TKT: variants seen among roughly 807,000 people sequenced by gnomAD.
The protein encoded by TKT is epididymis luminal protein 107.
Under a neutral mutation model 63.9 loss-of-function variants are expected in TKT, and 47 were observed. The observed-to-expected ratio is 0.74, with a 90% CI of 0.58 to 0.94. TKT has a LOEUF of 0.94. Among genes scored for constraint, TKT ranks in the 40% least tolerant of loss-of-function variants. TKT has a pLI of 0.00. For synonymous variants in TKT, 338 were observed against 334.1 expected, an observed-to-expected ratio of 1.01 and a Z score of -0.13; for missense variants, 721 against 846.2, an observed-to-expected ratio of 0.85 and a Z score of 1.84.
intron 7 of TKT, 94 bp from the exon 8 acceptor site, chr3:53,230,715 G>A (rs1274973680): frequency 3.4e-6 from 5 of 1,477,512 alleles, no homozygotes; most frequent in Admixed American, 2.2e-5. Flanking sequence ...GATTAAAACG[G>A]GGCCAAAAAT....
In TKT at chr3:53,228,418, G is replaced by A. The variant is rs963400994; in HGVS notation, c.1396-59C>T. On this transcript the variant is annotated intron_variant, in intron 10 of 13. Transcript: ENST00000462138. ...ATGTGGCACACCCAACCTCAGAGAC[G>A]AGGTCTTTCTAGAGAGGCCATCCCT... 1.5e-5 allele frequency: 24 copies of A among 1,583,564 alleles called. No homozygotes were observed. The East Asian group carries it at 2.0e-4, about 13-fold the overall frequency.
In TKT at chr3:53,231,517, G is replaced by C. The variant is rs942850990; in HGVS notation, c.782C>G (p.Pro261Arg). ...VEDKESWHGKPLPKNMAEQII... is the reference protein window; with the variant it reads ...VEDKESWHGKRLPKNMAEQII... Reference sequence around the variant, plus strand: ...CTGCTCAGCCATGTTTTTGGGGAGGGGCTTCCCATGCCAAGACTCCTTATC... The same window carrying C: ...CTGCTCAGCCATGTTTTTGGGGAGGCGCTTCCCATGCCAAGACTCCTTATC... The change falls in exon 7 of 14, where the codon CCC becomes CGC. Residue 261 changes from proline to arginine, a missense_variant. Transcript: ENST00000462138. The C allele has an allele frequency of 1.5e-5, 24 of 1,614,004 alleles. No homozygotes were observed. The highest frequency in any genetic ancestry group is 1.8e-5 in the Non-Finnish European group (21 of 1,180,020).
chr3:53,245,630 C>G (rs1705472894), intron 1 of TKT, among the ~76,000 whole-genome samples: 1 of 151,858 alleles, frequency 6.6e-6, no homozygotes, highest in Non-Finnish European at 1.5e-5. Context: ...ACTAAAAATA[C>G]AAAAATTAGC....
At chr3:53,232,736 C>A in intron 6 of TKT, 1 of 400,108 alleles carries the variant, frequency 2.5e-6, no homozygotes, top group East Asian at 3.6e-5. Context: ...GTACCCCACT[C>A]ACCTCCTGGA....
intron 2 of TKT, 108 bp from the exon 3 acceptor site, chr3:53,241,353 G>A: frequency 1.1e-6 from 1 of 898,724 alleles, no homozygotes; most frequent in Non-Finnish European, 1.6e-6. Context: ...GCCAACTGCA[G>A]CATCCATTTC....
chr3:53,238,190 T>G (rs1705121268), intron 4 of TKT, among the ~76,000 whole-genome samples: 1 of 152,192 alleles, frequency 6.6e-6, no homozygotes, highest in African/African-American at 2.4e-5. Flanking sequence ...CTCCCTACAC[T>G]GACTTGTTCC....
rs1440271206 is a variant in TKT, at chr3:53,225,914, C to T, written c.1714G>A (p.Val572Met). 1.2e-6 allele frequency: 2 copies of T among 1,610,314 alleles called. No homozygotes were observed. Among genetic ancestry groups the T allele is most frequent in the African/African-American group, 2.7e-5 (2 of 74,806 alleles). Residue 572 changes from valine to methionine, a missense_variant, in exon 14 of 14, where the codon GTG becomes ATG. Transcript: ENST00000462138. ...HYYEGGIGEA[V>M]SSAVVGEPGI... ...GGCTCGCCCACTACTGCACTGGACA[C>T]AGCCTCACCAATGCCACCTAGAAAT...
At chr3:53,226,063 GC>G in intron 13 of TKT, 132 bp from the exon 14 acceptor site, 1 of 762,576 alleles carries the variant, frequency 1.3e-6, no homozygotes. Flanking sequence ...GTAGCCATGA[GC>G]CCATCACATA....
chr3:53,231,033 G>A (rs548950250), intron 7 of TKT, among the ~76,000 whole-genome samples: 1 of 152,208 alleles, frequency 6.6e-6, no homozygotes. Context: ...GTCAGGTGGG[G>A]GTCCTGAGCT....
At chr3:53,237,724 C>T (rs1705100371) in intron 4 of TKT, 1 of 152,186 alleles carries the variant, frequency 6.6e-6, no homozygotes. Flanking sequence ...AGATTGAGAC[C>T]ATCCTGGCTA....
chr3:53,227,036 C>T (rs1222187242), intron 12 of TKT, 158 bp from the exon 13 acceptor site: 1 of 878,820 alleles, frequency 1.1e-6, no homozygotes, highest in Non-Finnish European at 1.7e-6. Context: ...CACCTCGTTC[C>T]CATGGCTGAG....
chr3:53,239,317 T>C (rs141282273), intron 4 of TKT, among the ~76,000 whole-genome samples: 8 of 152,326 alleles, frequency 5.3e-5, no homozygotes, highest in African/African-American at 1.9e-4. Flanking sequence ...AGAATAATTT[T>C]TTTTTTAAAG....
chr3:53,237,505 C>CACAA (rs1362498250), intron 4 of TKT, among the ~76,000 whole-genome samples: 1 of 133,786 alleles, frequency 7.5e-6, no homozygotes, highest in Non-Finnish European at 1.7e-5. Flanking sequence ...TACACACACA[C>CACAA]ACACACACAC....
At chr3:53,236,828 G>A (rs1705053608) in intron 4 of TKT, among the ~76,000 whole-genome samples, 1 of 152,212 alleles carries the variant, frequency 6.6e-6, no homozygotes, top group Admixed American at 6.5e-5. Context: ...CCGAGGAGAT[G>A]CCAAGGAAGG....
chr3:53,239,310 A>G (rs535062812), intron 4 of TKT, among the ~76,000 whole-genome samples: 32 of 152,098 alleles, frequency 2.1e-4, no homozygotes, highest in Non-Finnish European at 4.3e-4. Flanking sequence ...AAAAAAAAGA[A>G]TAATTTTTTT....
intron 4 of TKT, among the ~76,000 whole-genome samples, chr3:53,239,646 G>C (rs1479968513): frequency 6.6e-6 from 1 of 151,928 alleles, no homozygotes; most frequent in African/African-American, 2.4e-5. Flanking sequence ...AACCTTCCTG[G>C]GGGGCCGTTC....
intron 6 of TKT, chr3:53,232,943 GC>G (rs557517517): frequency 1.1e-5 from 6 of 541,882 alleles, no homozygotes; most frequent in Non-Finnish European, 3.3e-6. Flanking sequence ...GCCTGTACAT[GC>G]CCCCACCGGC....
chr3:53,238,719 T>C (rs537790472), intron 4 of TKT, among the ~76,000 whole-genome samples: 2 of 152,242 alleles, frequency 1.3e-5, no homozygotes, highest in African/African-American at 4.8e-5. Context: ...GCCCTCAGCC[T>C]CTCCAAGAGC....
At chr3:53,249,133 ATT>A (rs1287553050) in intron 1 of TKT, among the ~76,000 whole-genome samples, 1 of 149,666 alleles carries the variant, frequency 6.7e-6, no homozygotes, top group African/African-American at 2.5e-5. Context: ...TGCCCGACTC[ATT>A]TTTTTTGTAT....
Sources: allele counts gnomAD v4.1 joint callset (sites outside exome capture counted in the v4.1 genomes callset), GRCh38; gene constraint gnomAD v4.1.1; transcripts MANE v1.5; gene names NCBI Gene and HGNC (gene_info 2026-07-23, HGNC 2026-07-21).